The following INSC variants were observed in gnomAD, a reference collection of about 807,000 sequenced individuals.
The protein encoded by INSC is INSC spindle orientation adaptor protein, also known as protein inscuteable homolog.
In INSC, 67 loss-of-function variants were observed where a neutral mutation model predicts 58.6. That is an observed-to-expected ratio of 1.14 (90% CI 0.94 to 1.40). INSC has a LOEUF of 1.40. Among genes scored for constraint, INSC ranks in the 40% most tolerant of loss-of-function variants. The pLI is 0.00. For missense variants in INSC, 714 were observed against 692.0 expected, an observed-to-expected ratio of 1.03 and a Z score of -0.36; for synonymous variants, 262 against 276.1, an observed-to-expected ratio of 0.95 and a Z score of 0.51.
rs1387417275 is a variant in INSC, at chr11:15,221,666, G to GC, written c.991+19dup. ...CCTCGTCAGTGAGTCACCCTGGGCA[G>GC]CGGGACCACTAGGAGAGAGGGCCTT... On this transcript the variant is annotated intron_variant, in intron 8 of 12. Coordinates refer to ENST00000379556, the MANE Select transcript of INSC (RefSeq NM_001042536.3). 1 of 1,599,122 alleles carries GC rather than the reference G, an allele frequency of 6.3e-7. No homozygotes were observed. The highest frequency in any genetic ancestry group is 8.5e-7 in the Non-Finnish European group (1 of 1,170,824).
At chr11:15,148,689 C>A (rs12275748) in intron 1 of INSC, among the ~76,000 whole-genome samples, 1 of 152,066 alleles carries the variant, frequency 6.6e-6, no homozygotes, top group East Asian at 1.9e-4. Flanking sequence ...AGTGAATAAG[C>A]GAGTTCTACA....
At chr11:15,167,320 T>C (rs1051439485) in intron 2 of INSC, among the ~76,000 whole-genome samples, 7 of 152,062 alleles carry the variant, frequency 4.6e-5, no homozygotes, top group East Asian at 1.9e-4. Flanking sequence ...GGCCTGGGGA[T>C]TGGTCACTGA....
downstream of INSC, among the ~76,000 whole-genome samples, chr11:15,250,101 T>C (rs1852634458): frequency 6.6e-6 from 1 of 152,224 alleles, no homozygotes; most frequent in Non-Finnish European, 1.5e-5. Flanking sequence ...AGTCTACATC[T>C]ATATACTGTG....
At chr11:15,113,119 C>CTT (rs1554899333), upstream of INSC, among the ~76,000 whole-genome samples, 2,399 of 73,146 alleles carry the variant, frequency 0.033, 62 homozygotes, top group Non-Finnish European at 0.035. Flanking sequence ...TTCTCTCTCT[C>CTT]TCTTTCTTTC....
chr11:15,155,489 T>C (rs1848784483), intron 2 of INSC, among the ~76,000 whole-genome samples: 2 of 152,206 alleles, frequency 1.3e-5, no homozygotes, highest in Admixed American at 1.3e-4. Context: ...CTGGGTGCTG[T>C]TGTAGGTAGA....
At chr11:15,264,981 C>G in the INSC span, among the ~76,000 whole-genome samples, 1 of 151,806 alleles carries the variant, frequency 6.6e-6, no homozygotes, top group African/African-American at 2.4e-5. Context: ...GAATTTGTCA[C>G]AAAACAACTC....
intron 2 of INSC, among the ~76,000 whole-genome samples, chr11:15,152,160 G>T (rs536309483): frequency 6.6e-6 from 1 of 152,338 alleles, no homozygotes; most frequent in African/African-American, 2.4e-5. Context: ...AGAGTTCAGA[G>T]TGGTTTTTAG....
At position 15,239,171 on chromosome 11, in the gene INSC, G is replaced by A. The variant is rs1273861974; in HGVS notation, c.1393+97G>A. ...AGTGGCAACAGTGGACACAGGGCAA[G>A]AGCTGGCTGGCATAAGCCCTGTCTC... On this transcript the variant is annotated intron_variant, in intron 11 of 12. Coordinates refer to ENST00000379556, the MANE Select transcript of INSC (RefSeq NM_001042536.3). 12 of 1,433,810 alleles carry A rather than the reference G, an allele frequency of 8.4e-6. No homozygotes were observed. In the East Asian group the frequency reaches 2.6e-4, roughly 31 times the overall value. The allele number at this position is 1,433,810 out of a possible 1,614,324, so 88.8% of individuals were successfully genotyped here.
chr11:15,221,232 A>G (rs1218806568), intron 7 of INSC, among the ~76,000 whole-genome samples: 1 of 151,958 alleles, frequency 6.6e-6, no homozygotes, highest in Non-Finnish European at 1.5e-5. Flanking sequence ...GCTATCTAGG[A>G]GGCCCATGAA....
intron 2 of INSC, among the ~76,000 whole-genome samples, chr11:15,151,220 T>C (rs1848639132): frequency 1.3e-5 from 2 of 152,146 alleles, no homozygotes; most frequent in South Asian, 2.1e-4. Context: ...TAGATTCTCA[T>C]AGGAGCGCGA....
chr11:15,247,442 G>A (rs534975114), downstream of INSC, among the ~76,000 whole-genome samples: 20 of 152,212 alleles, frequency 1.3e-4, no homozygotes, highest in Non-Finnish European at 2.9e-4. Context: ...GAAGTCATAT[G>A]CTATATACAA....
chr11:15,126,502 G>A (rs1475420156), intron 1 of INSC, among the ~76,000 whole-genome samples: 1 of 152,162 alleles, frequency 6.6e-6, no homozygotes, highest in African/African-American at 2.4e-5. Context: ...GGGGTCACTG[G>A]ATTGTAGGAA....
At chr11:15,203,780 C>G (rs1386753751) in intron 7 of INSC, among the ~76,000 whole-genome samples, 1 of 151,608 alleles carries the variant, frequency 6.6e-6, no homozygotes, top group East Asian at 1.9e-4. Context: ...GGGCTAAATT[C>G]AGCCTGCTGT....
chr11:15,259,216 G>A, the INSC span, among the ~76,000 whole-genome samples: 4 of 152,090 alleles, frequency 2.6e-5, no homozygotes, highest in Admixed American at 2.6e-4. Context: ...CTTTGTTTGG[G>A]GCTTGTTGGA....
chr11:15,171,597 CT>C (rs540566428), intron 2 of INSC, among the ~76,000 whole-genome samples: 95 of 152,332 alleles, frequency 6.2e-4, no homozygotes, highest in African/African-American at 2.2e-3. Context: ...GCACCTGCCC[CT>C]GATCTCCAAC....
At chr11:15,255,727 AGTGTGTGTATGT>A in the INSC span, among the ~76,000 whole-genome samples, 1 of 93,412 alleles carries the variant, frequency 1.1e-5, no homozygotes, top group African/African-American at 4.5e-5. Flanking sequence ...TGTATATGTA[AGTGTGTGTATGT>A]GTGTGTGTGT....
chr11:15,255,163 A>T, the INSC span, among the ~76,000 whole-genome samples: 1 of 152,310 alleles, frequency 6.6e-6, no homozygotes, highest in South Asian at 2.1e-4. Flanking sequence ...CTTGGTACAC[A>T]TATATTTTAT....
intron 2 of INSC, among the ~76,000 whole-genome samples, chr11:15,150,610 A>G (rs1390449822): frequency 6.6e-6 from 1 of 152,198 alleles, no homozygotes; most frequent in East Asian, 1.9e-4. Context: ...AGCAGCACAA[A>G]GGGCTGTTCT....
At position 15,116,801 on chromosome 11, in the gene INSC, TTTCTTTTC is replaced by T. The variant is rs1469687469; in HGVS notation, c.-46+1801_-46+1808del. ...TTCTTCCTTCCTTTCTTTTCTTTTC[TTTCTTTTC>T]TTTCTTTCTTTCTTTCTTTCTTTCT... is the stretch of plus-strand genomic sequence containing the variant. On this transcript the variant is annotated intron_variant, in intron 1 of 12. Transcript: ENST00000379556. 6.1e-5 allele frequency among the ~76,000 whole-genome samples: 5 copies of T among 81,934 alleles called. No individual in the cohort carries two copies. The East Asian group carries it at 9.0e-4, about 15-fold the overall frequency. 53.8% of individuals were successfully genotyped at this position (81,934 alleles called of 152,430 possible). A position where few individuals can be genotyped will look rare whatever the true frequency, so the allele number is the denominator to read the frequency against.
Sources: allele counts gnomAD v4.1 joint callset (sites outside exome capture counted in the v4.1 genomes callset), GRCh38; gene constraint gnomAD v4.1.1; transcripts MANE v1.5; gene names NCBI Gene and HGNC (gene_info 2026-07-23, HGNC 2026-07-21).